Variants in LTBP1 observed in about 807,000 individuals in gnomAD.
The protein encoded by LTBP1 is latent transforming growth factor beta binding protein 1.
In LTBP1, 129 loss-of-function variants were observed where a neutral mutation model predicts 207.6. The observed-to-expected ratio is 0.62, with a 90% CI of 0.54 to 0.72. The LOEUF is 0.72. Among genes scored for constraint, LTBP1 ranks in the 30% least tolerant of loss-of-function variants. The pLI, the probability that LTBP1 is intolerant of heterozygous loss-of-function variation, is 0.00. For missense variants in LTBP1, 2,281 were observed against 2,217.2 expected (o/e 1.03, Z -0.58); for synonymous variants, 963 against 833.7 (o/e 1.16, Z -2.67).
At chr2:33,242,053 T>C (rs978370801) in intron 9 of LTBP1, among the ~76,000 whole-genome samples, 15 of 152,228 alleles carry the variant, frequency 9.9e-5, no homozygotes, top group Non-Finnish European at 4.4e-5. Flanking sequence ...CATTAACTTA[T>C]CATTTGAATG....
chr2:33,345,773 G>GAT (rs1336172243), intron 25 of LTBP1, among the ~76,000 whole-genome samples: 2 of 152,006 alleles, frequency 1.3e-5, no homozygotes, highest in Non-Finnish European at 2.9e-5. Context: ...GAATGATTTA[G>GAT]ATAATTGCTC....
At chr2:33,186,222 C>G (rs891810076) in intron 5 of LTBP1, among the ~76,000 whole-genome samples, 1 of 152,012 alleles carries the variant, frequency 6.6e-6, no homozygotes, top group Non-Finnish European at 1.5e-5. Flanking sequence ...ATTTTTATTA[C>G]TGATTTGTTT....
intron 3 of LTBP1, among the ~76,000 whole-genome samples, chr2:33,079,491 C>A (rs558939949): frequency 3.5e-4 from 54 of 152,242 alleles, no homozygotes; most frequent in Non-Finnish European, 6.3e-4. Flanking sequence ...ATTAGGAAAT[C>A]CAATGTTAAT....
At chr2:33,044,566 A>G (rs1254092969) in intron 3 of LTBP1, among the ~76,000 whole-genome samples, 4 of 152,180 alleles carry the variant, frequency 2.6e-5, no homozygotes, top group Admixed American at 1.3e-4. Context: ...ACAGTGCTGC[A>G]ATAAACACGT....
intron 5 of LTBP1, among the ~76,000 whole-genome samples, chr2:33,168,835 C>T (rs6543691): frequency 6.6e-6 from 1 of 151,990 alleles, no homozygotes; most frequent in African/African-American, 2.4e-5. Flanking sequence ...TAATTTCCAA[C>T]TCATAGTGAT....
At chr2:33,374,788 C>A (rs2095116354) in intron 31 of LTBP1, among the ~76,000 whole-genome samples, 2 of 152,076 alleles carry the variant, frequency 1.3e-5, no homozygotes, top group South Asian at 4.1e-4. Flanking sequence ...CTCATCTCTA[C>A]TAAAAATACA....
chr2:33,055,274 G>A (rs992764419), intron 3 of LTBP1, among the ~76,000 whole-genome samples: 7 of 152,178 alleles, frequency 4.6e-5, no homozygotes, highest in Non-Finnish European at 8.8e-5. Context: ...ATTGACCCTC[G>A]AGTGATTCGG....
intron 3 of LTBP1, among the ~76,000 whole-genome samples, chr2:33,065,959 C>A (rs1157205394): frequency 6.6e-6 from 1 of 152,088 alleles, no homozygotes; most frequent in Non-Finnish European, 1.5e-5. Context: ...TTTTAAATAA[C>A]AGTGAGGTTA....
chr2:33,315,248 G>A lies in LTBP1; in HGVS notation c.3709G>A (p.Ala1237Thr). The A allele has an allele frequency of 6.2e-7, 1 of 1,613,016 alleles. No individual in the cohort carries two copies. Among genetic ancestry groups the A allele is most frequent in the Non-Finnish European group, 8.5e-7 (1 of 1,179,786 alleles). The change falls in exon 24 of 34, where the codon GCA becomes ACA. Residue 1237 changes from alanine to threonine, a missense_variant. By Grantham distance (58) the Ala-to-Thr change is moderately conservative. Transcript: ENST00000404816. ...CTGCCAGCAGGGTTTCTCAATCTCTGCAGATGGCCGTACGTGTGAAGGTAA... is the reference window on the plus strand; with the variant it reads ...CTGCCAGCAGGGTTTCTCAATCTCTACAGATGGCCGTACGTGTGAAGGTAA... ...CVCQQGFSIS[A>T]DGRTCEDIDE...
chr2:32,997,904 G>A (rs1034992626), intron 2 of LTBP1, among the ~76,000 whole-genome samples: 2 of 152,172 alleles, frequency 1.3e-5, no homozygotes, highest in African/African-American at 4.8e-5. Context: ...AAGTGTCCTT[G>A]TTCTTGCCTC....
At chr2:33,027,218 AAG>A (rs1337401982) in intron 3 of LTBP1, among the ~76,000 whole-genome samples, 1 of 152,202 alleles carries the variant, frequency 6.6e-6, no homozygotes, top group African/African-American at 2.4e-5. Context: ...CAGATTGACT[AAG>A]GTATAATTGA....
intron 3 of LTBP1, among the ~76,000 whole-genome samples, chr2:33,076,889 A>G (rs2078113609): frequency 2.0e-5 from 3 of 152,140 alleles, no homozygotes; most frequent in East Asian, 3.9e-4. Context: ...GTTCTGTGGC[A>G]TTCCTTTGGC....
intron 2 of LTBP1, among the ~76,000 whole-genome samples, chr2:32,977,900 A>C (rs544173607): frequency 2.0e-5 from 3 of 151,914 alleles, no homozygotes; most frequent in Admixed American, 6.6e-5. Flanking sequence ...TCTTGCATCA[A>C]TGTTTTGTAG....
Position 32,952,423 on chromosome 2 carries a change from A to G in LTBP1, c.565+3478A>G, listed in dbSNP as rs557040950. Among the ~76,000 whole-genome samples the G allele has an allele frequency of 2.0e-5, 3 of 152,346 alleles. No homozygotes were observed. In the South Asian group the frequency reaches 6.2e-4, roughly 32 times the overall value. ...CACCATTTGTATGTGGATCCCTAGGAATCGAAATTATCGTGTGGGATGTGT... is the reference window on the plus strand; with the variant it reads ...CACCATTTGTATGTGGATCCCTAGGGATCGAAATTATCGTGTGGGATGTGT... On this transcript the variant is annotated intron_variant, in intron 2 of 33. Coordinates refer to ENST00000404816, the MANE Select transcript of LTBP1 (RefSeq NM_206943.4).
chr2:33,254,756 C>A (rs2092787703), intron 11 of LTBP1, among the ~76,000 whole-genome samples: 1 of 126,260 alleles, frequency 7.9e-6, no homozygotes, highest in Admixed American at 7.8e-5. Flanking sequence ...CCTCCCCCCA[C>A]CCCACAACAG....
chr2:33,034,780 C>G (rs918007004), intron 3 of LTBP1, among the ~76,000 whole-genome samples: 1 of 151,998 alleles, frequency 6.6e-6, no homozygotes, highest in Non-Finnish European at 1.5e-5. Context: ...GACATTTCCT[C>G]TCAGAGACTG....
chr2:32,949,739 G>A (rs4952277), intron 2 of LTBP1, among the ~76,000 whole-genome samples: 50,933 of 152,056 alleles, frequency 0.33, 10,033 homozygotes, highest in East Asian at 0.96. Context: ...AGAGATTGAG[G>A]CATTCCCATG....
chr2:33,393,052 A>C (rs1046505933), intron 32 of LTBP1, among the ~76,000 whole-genome samples: 2 of 151,734 alleles, frequency 1.3e-5, no homozygotes, highest in African/African-American at 4.8e-5. Flanking sequence ...TTATGGTACA[A>C]ATTTTTTTAA....
Position 33,363,424 on chromosome 2 carries a change from C to A in LTBP1, c.4305C>A (p.Ile1435=), listed in dbSNP as rs780588888. Residue 1435 remains isoleucine, a synonymous_variant, in exon 29 of 34, where the codon ATC becomes ATA. Coordinates refer to ENST00000404816, the MANE Select transcript of LTBP1 (RefSeq NM_206943.4). ...AATGCCTACTTTTTGGACAAGAAAT[C>A]TGCAAAAATGGTTTCTGTTTGAACA... ...ADECLLFGQE[I]CKNGFCLNTR... 6.2e-6 allele frequency: 10 copies of A among 1,613,694 alleles called. No individual in the cohort carries two copies. The highest frequency in any genetic ancestry group is 8.5e-6 in the Non-Finnish European group (10 of 1,179,796).
Sources: allele counts gnomAD v4.1 joint callset (sites outside exome capture counted in the v4.1 genomes callset), GRCh38; gene constraint gnomAD v4.1.1; transcripts MANE v1.5; gene names NCBI Gene and HGNC (gene_info 2026-07-23, HGNC 2026-07-21).